PAIP2B: variants seen among roughly 807,000 people sequenced by gnomAD.
The protein encoded by PAIP2B is polyadenylate-binding protein-interacting protein 2B.
A neutral mutation model predicts 17.0 loss-of-function variants in PAIP2B; 13 were observed. The observed-to-expected ratio is 0.76, with a 90% confidence interval of 0.50 to 1.22. The LOEUF is 1.22. PAIP2B is among the 50% of genes most tolerant of loss of function. The pLI, the probability that PAIP2B is intolerant of heterozygous loss-of-function variation, is 0.00. For missense variants in PAIP2B, 117 were observed against 144.5 expected (o/e 0.81, Z 0.98); for synonymous variants, 43 against 48.7 (o/e 0.88, Z 0.48).
In PAIP2B at chr2:71,188,121, G is replaced by C. The variant is rs1674589563; in HGVS notation, c.*358C>G. ...CCCTGATAAGTATACAGCAGGGTGAGAGGGGCATTTCCTAAATATCCAGTT... is the reference window on the plus strand; with the variant it reads ...CCCTGATAAGTATACAGCAGGGTGACAGGGGCATTTCCTAAATATCCAGTT... On this transcript the variant is annotated 3_prime_UTR_variant, in exon 4 of 4. Coordinates refer to ENST00000244221, the MANE Select transcript of PAIP2B (RefSeq NM_020459.1). The C allele has an allele frequency of 4.4e-6, 1 of 225,684 alleles. No individual in the cohort carries two copies. The allele number at this position is 225,684 out of a possible 1,614,324, so 14.0% of individuals were successfully genotyped here.
chr2:71,200,298 C>T (rs1379626180), intron 2 of PAIP2B, among the ~76,000 whole-genome samples: 1 of 152,124 alleles, frequency 6.6e-6, no homozygotes, highest in African/African-American at 2.4e-5. Context: ...AAAAACTGTA[C>T]AGCACACCAT....
chr2:71,209,253 CAG>C (rs1467229700), intron 1 of PAIP2B, among the ~76,000 whole-genome samples: 1 of 152,090 alleles, frequency 6.6e-6, no homozygotes, highest in African/African-American at 2.4e-5. Flanking sequence ...CAGGAACAGA[CAG>C]AAACTGGAGG....
chr2:71,193,778 C>T lies in PAIP2B; in HGVS notation c.139-3757G>A, dbSNP rs549231030. Among the ~76,000 whole-genome samples the T allele has an allele frequency of 1.7e-4, 26 of 151,818 alleles. 1 individual carries two copies. The highest frequency in any genetic ancestry group is 8.5e-4 in the Admixed American group (13 of 15,244). ...CTGAGGCAGGAGAATGGCGAGAATC[C>T]GGGAGGCGGAGCTTGCAGTGAGTAC... On this transcript the variant is annotated intron_variant, in intron 2 of 3. Transcript: ENST00000244221.
chr2:71,219,823 T>C (rs940298771), intron 1 of PAIP2B, among the ~76,000 whole-genome samples: 1 of 152,228 alleles, frequency 6.6e-6, no homozygotes, highest in African/African-American at 2.4e-5. Flanking sequence ...ACACTTTTAA[T>C]TGGTTTCTTA....
chr2:71,198,105 CTTTATT>C (rs1158283972), intron 2 of PAIP2B, among the ~76,000 whole-genome samples: 1 of 152,066 alleles, frequency 6.6e-6, no homozygotes, highest in Non-Finnish European at 1.5e-5. Flanking sequence ...ATTCTTCTTG[CTTTATT>C]TTTGACTGTC....
intron 2 of PAIP2B, among the ~76,000 whole-genome samples, chr2:71,194,397 G>A (rs1674763026): frequency 6.6e-6 from 1 of 151,714 alleles, no homozygotes; most frequent in Admixed American, 6.6e-5. Flanking sequence ...ATTTGTTTGA[G>A]CAGTGTTTTG....
chr2:71,217,044 C>G (rs977143234), intron 1 of PAIP2B, among the ~76,000 whole-genome samples: 2 of 152,218 alleles, frequency 1.3e-5, no homozygotes, highest in African/African-American at 4.8e-5. Flanking sequence ...ATGTAAGTCT[C>G]AGGCACACTA....
rs201945865 is a variant in PAIP2B, at chr2:71,199,568, G to GT, written c.138+2883dup. Among the ~76,000 whole-genome samples the GT allele has an allele frequency of 3.5e-4, 51 of 145,562 alleles. 1 individual carries two copies. Among genetic ancestry groups the GT allele is most frequent in the African/African-American group, 5.9e-4 (23 of 39,128 alleles). On this transcript the variant is annotated intron_variant, in intron 2 of 3. Transcript: ENST00000244221. ...TTTTTTTCCCCCTTAACCCAACTGC[G>GT]TCCTTTTTTTTTTTTTGAGACGGAG... is the stretch of plus-strand genomic sequence containing the variant.
At chr2:71,200,054 CT>C (rs1005336300) in intron 2 of PAIP2B, among the ~76,000 whole-genome samples, 15 of 152,176 alleles carry the variant, frequency 9.9e-5, no homozygotes, top group Non-Finnish European at 2.1e-4. Context: ...CAATGAAAAT[CT>C]TTTCAAAAGA....
chr2:71,190,212 G>A (rs1309783108), intron 2 of PAIP2B, among the ~76,000 whole-genome samples, 191 bp from the exon 3 acceptor site: 1 of 152,148 alleles, frequency 6.6e-6, no homozygotes, highest in Non-Finnish European at 1.5e-5. Context: ...TTGAGGCCAG[G>A]AGGTTTGAGA....
rs387767 is a variant in PAIP2B, at chr2:71,201,014, T to G, written c.138+1438A>C. Reference sequence around the variant, plus strand: ...CAATCTCTTTGTGTGTGTGGGTGTGTGTGTGTGTGTGTGTGTGTGTGTGTG... The same window carrying G: ...CAATCTCTTTGTGTGTGTGGGTGTGGGTGTGTGTGTGTGTGTGTGTGTGTG... On this transcript the variant is annotated intron_variant, in intron 2 of 3. Transcript: ENST00000244221. Among the ~76,000 whole-genome samples, 23 of 12,728 alleles carry G rather than the reference T, an allele frequency of 1.8e-3. No homozygotes were observed. The East Asian group carries it at 0.19, about 104-fold the overall frequency. 8.4% of individuals were successfully genotyped at this position (12,728 alleles called of 152,430 possible).
chr2:71,190,368 G>A lies in PAIP2B; in HGVS notation c.139-347C>T, dbSNP rs57071797. Among the ~76,000 whole-genome samples the A allele has an allele frequency of 0.056, 8,470 of 152,172 alleles. 979 individuals carry two copies. The East Asian group carries it at 0.56, about 10-fold the overall frequency. On this transcript the variant is annotated intron_variant, in intron 2 of 3. Transcript: ENST00000244221. Reference sequence around the variant, plus strand: ...GAATGCAGGAGGTCAAGGCTTCATTGAGCCAAGACTGCGCCACTGCACTTC... The same window carrying A: ...GAATGCAGGAGGTCAAGGCTTCATTAAGCCAAGACTGCGCCACTGCACTTC...
chr2:71,195,977 G>C (rs72622619), intron 2 of PAIP2B, among the ~76,000 whole-genome samples: 1 of 151,974 alleles, frequency 6.6e-6, no homozygotes, highest in Non-Finnish European at 1.5e-5. Context: ...TCCTGGATTC[G>C]CTGATCTCTT....
intron 2 of PAIP2B, among the ~76,000 whole-genome samples, chr2:71,198,104 G>A (rs1162820293): frequency 6.6e-6 from 1 of 151,940 alleles, no homozygotes; most frequent in African/African-American, 2.4e-5. Context: ...TATTCTTCTT[G>A]CTTTATTTTT....
chr2:71,210,587 A>G (rs1485659455), intron 1 of PAIP2B, among the ~76,000 whole-genome samples: 1 of 152,236 alleles, frequency 6.6e-6, no homozygotes, highest in African/African-American at 2.4e-5. Context: ...AGTTAACAAG[A>G]AGCTTTCAAA....
intron 1 of PAIP2B, among the ~76,000 whole-genome samples, chr2:71,217,275 A>T (rs2103819300): frequency 6.6e-6 from 1 of 152,300 alleles, no homozygotes; most frequent in South Asian, 2.1e-4. Context: ...CTGGGATTAC[A>T]GGAGTCCACC....
At chr2:71,196,454 C>T (rs1674821032) in intron 2 of PAIP2B, among the ~76,000 whole-genome samples, 1 of 152,040 alleles carries the variant, frequency 6.6e-6, no homozygotes, top group African/African-American at 2.4e-5. Context: ...AAAGTGTGTA[C>T]CATGTGGCAA....
intron 3 of PAIP2B, among the ~76,000 whole-genome samples, chr2:71,189,004 C>CTTTT (rs56008115): frequency 4.1e-5 from 5 of 122,184 alleles, no homozygotes; most frequent in East Asian, 2.3e-4. Context: ...TGCTCACAGA[C>CTTTT]TTTTTTTTTT....
intron 1 of PAIP2B, among the ~76,000 whole-genome samples, chr2:71,224,116 G>A (rs1377816333): frequency 1.3e-5 from 2 of 152,178 alleles, no homozygotes; most frequent in Admixed American, 6.5e-5. Context: ...GATGACCAGA[G>A]GACAGAGACA....
Sources: gnomAD v4.1 joint callset for allele counts (sites outside exome capture counted in the v4.1 genomes callset) on GRCh38, gnomAD v4.1.1 for gene constraint, MANE v1.5 for transcripts, NCBI Gene and HGNC (gene_info 2026-07-23, HGNC 2026-07-21) for gene names.